The following ST7 variants were observed in gnomAD, a reference collection of about 807,000 sequenced individuals.
The protein encoded by ST7 is suppression of tumorigenicity 7.
In ST7, 28 loss-of-function variants were observed where a neutral mutation model predicts 78.7. The ratio of observed to expected loss-of-function variants is 0.36; its 90% CI spans 0.26 to 0.49. The LOEUF is 0.49. ST7 is among the 20% of genes least tolerant of loss of function. The pLI, the probability that ST7 is intolerant of heterozygous loss-of-function variation, is 0.99. For missense variants in ST7, 418 were observed against 696.0 expected (o/e 0.60, Z 4.49); for synonymous variants, 247 against 249.6 (o/e 0.99, Z 0.10).
At chr7:117,098,023 C>T (rs1801255237) in intron 1 of ST7, among the ~76,000 whole-genome samples, 1 of 148,322 alleles carries the variant, frequency 6.7e-6, no homozygotes, top group South Asian at 2.2e-4. Flanking sequence ...TCTACCTTCC[C>T]GGAAGTTCCA....
At chr7:117,064,797 T>C (rs528014578) in intron 1 of ST7, among the ~76,000 whole-genome samples, 1 of 152,312 alleles carries the variant, frequency 6.6e-6, no homozygotes, top group African/African-American at 2.4e-5. Flanking sequence ...AGGATTCACC[T>C]GCAAAAATTT....
intron 10 of ST7, among the ~76,000 whole-genome samples, chr7:117,187,292 G>A (rs1306478061): frequency 6.6e-6 from 1 of 152,182 alleles, no homozygotes; most frequent in Non-Finnish European, 1.5e-5. Flanking sequence ...CACTAATGGG[G>A]AATGGGGTAT....
intron 1 of ST7, among the ~76,000 whole-genome samples, chr7:116,966,360 C>T (rs907710453): frequency 1.3e-4 from 19 of 150,096 alleles, no homozygotes; most frequent in African/African-American, 3.9e-4. Context: ...AAGTGATTCT[C>T]GGGCTTCAGC....
intron 13 of ST7, among the ~76,000 whole-genome samples, chr7:117,210,606 C>T (rs1792204436): frequency 6.6e-6 from 1 of 152,224 alleles, no homozygotes; most frequent in South Asian, 2.1e-4. Flanking sequence ...GTGGCAGCTG[C>T]CTGTTGATTT....
intron 1 of ST7, among the ~76,000 whole-genome samples, chr7:116,960,981 A>C (rs889991744): frequency 6.6e-6 from 1 of 152,032 alleles, no homozygotes; most frequent in African/African-American, 2.4e-5. Flanking sequence ...ATCCATCTTC[A>C]GTTGTATATG....
At chr7:117,126,557 C>T (rs902050723) in intron 3 of ST7, among the ~76,000 whole-genome samples, 1 of 151,472 alleles carries the variant, frequency 6.6e-6, no homozygotes, top group Non-Finnish European at 1.5e-5. Context: ...TTTTTGTAAC[C>T]CATGGCCTAA....
chr7:116,976,212 C>T (rs982302736), intron 1 of ST7, among the ~76,000 whole-genome samples: 3 of 151,998 alleles, frequency 2.0e-5, no homozygotes, highest in Admixed American at 1.3e-4. Flanking sequence ...TGCAGTGAGC[C>T]GAGATCAGGC....
intron 10 of ST7, 49 bp from the exon 11 acceptor site, chr7:117,189,272 C>G: frequency 2.1e-6 from 3 of 1,414,254 alleles, no homozygotes; most frequent in Non-Finnish European, 3.0e-6. Flanking sequence ...AATGATTGCT[C>G]TTTGTTACCT....
chr7:116,983,190 G>A (rs560739350), intron 1 of ST7, among the ~76,000 whole-genome samples: 58 of 152,254 alleles, frequency 3.8e-4, no homozygotes, highest in South Asian at 6.2e-4. Flanking sequence ...GAGCCACCAC[G>A]CCCAGCCACG....
chr7:117,109,903 A>C (rs545281839), intron 2 of ST7, among the ~76,000 whole-genome samples: 1 of 152,242 alleles, frequency 6.6e-6, no homozygotes, highest in Non-Finnish European at 1.5e-5. Context: ...CAAGTAAATA[A>C]ATGTGATACA....
chr7:117,066,717 T>C (rs1253118989), intron 1 of ST7, among the ~76,000 whole-genome samples: 2 of 142,380 alleles, frequency 1.4e-5, no homozygotes, highest in African/African-American at 5.3e-5. Context: ...GCCGGGATCA[T>C]GTCACTGCAC....
intron 1 of ST7, among the ~76,000 whole-genome samples, chr7:117,091,717 G>A (rs1271149569): frequency 2.0e-5 from 3 of 152,178 alleles, no homozygotes; most frequent in African/African-American, 7.2e-5. Flanking sequence ...GATGGTATCA[G>A]TTTTATATTG....
intron 1 of ST7, among the ~76,000 whole-genome samples, chr7:117,033,420 C>CTT (rs59212777): frequency 4.2e-5 from 6 of 142,188 alleles, no homozygotes; most frequent in Non-Finnish European, 6.2e-5. Context: ...TGTATACATG[C>CTT]TTTTTTTTTT....
intron 1 of ST7, among the ~76,000 whole-genome samples, chr7:117,024,759 T>C (rs1338263813): frequency 6.6e-6 from 1 of 152,182 alleles, no homozygotes; most frequent in Non-Finnish European, 1.5e-5. Flanking sequence ...GAGTCCTCTT[T>C]AGCTCTGGTG....
chr7:116,964,773 T>C (rs187143622), intron 1 of ST7, among the ~76,000 whole-genome samples: 1 of 152,356 alleles, frequency 6.6e-6, no homozygotes, highest in Admixed American at 6.5e-5. Context: ...AATTACAATT[T>C]TGAAATATTA....
At position 117,138,478 on chromosome 7, in the gene ST7, A is replaced by G; in HGVS notation, c.909A>G (p.Ala303=). 1 of 1,610,492 alleles carries G rather than the reference A, an allele frequency of 6.2e-7. No homozygotes were observed. Among genetic ancestry groups the G allele is most frequent in the South Asian group, 1.1e-5 (1 of 90,494 alleles). ...TGGTGTACATCAAAAGAAGGCTAGC[A>G]ATGTGTGCCAGAAGACTCGGGAGGA... The part of the protein sequence containing the change: ...NVLVYIKRRL[A]MCARRLGRTR... Residue 303 remains alanine, a synonymous_variant, in exon 9 of 16, where the codon GCA becomes GCG. Coordinates refer to ENST00000323984, the MANE Select transcript of ST7 (RefSeq NM_001369598.1).
intron 12 of ST7, among the ~76,000 whole-genome samples, chr7:117,205,748 G>T (rs902073543): frequency 1.7e-4 from 26 of 152,274 alleles, no homozygotes; most frequent in Non-Finnish European, 1.5e-4. Context: ...CTGCAGTGGA[G>T]GCTGACACAA....
intron 10 of ST7, among the ~76,000 whole-genome samples, chr7:117,179,035 T>C (rs575313219): frequency 1.3e-5 from 2 of 152,322 alleles, no homozygotes; most frequent in East Asian, 3.9e-4. Flanking sequence ...TTGTTTTTCT[T>C]CATCCTGCCC....
intron 12 of ST7, chr7:117,191,639 T>C (rs1809795892): frequency 6.6e-6 from 1 of 152,216 alleles, no homozygotes; most frequent in South Asian, 2.1e-4. Context: ...TTTTAGTATC[T>C]ACATGCTGTA....
Sources: gnomAD v4.1 joint callset for allele counts (sites outside exome capture counted in the v4.1 genomes callset) on GRCh38, gnomAD v4.1.1 for gene constraint, MANE v1.5 for transcripts, NCBI Gene and HGNC (gene_info 2026-07-23, HGNC 2026-07-21) for gene names.